MEGF11: variants seen among roughly 807,000 people sequenced by gnomAD.
MEGF11 encodes the protein multiple EGF like domains 11.
A neutral mutation model predicts 146.6 loss-of-function variants in MEGF11; 126 were observed. That is an observed-to-expected ratio of 0.86 (90% CI 0.74 to 1.00). MEGF11 has a LOEUF of 1.00. Among genes scored for constraint, MEGF11 ranks in the 50% least tolerant of loss-of-function variants. The pLI is 0.00. For missense variants in MEGF11, 1,509 were observed against 1,521.2 expected, an observed-to-expected ratio of 0.99 and a Z score of 0.13; for synonymous variants, 532 against 583.4, an observed-to-expected ratio of 0.91 and a Z score of 1.27.
At position 65,987,135 on chromosome 15, in the gene MEGF11, G is replaced by A. The variant is rs184890731; in HGVS notation, c.395-4647C>T. On this transcript the variant is annotated intron_variant, in intron 5 of 25. Coordinates refer to ENST00000395614, the MANE Select transcript of MEGF11 (RefSeq NM_001385028.1). ...CAAGAGGGCAAATGGCTTCACCACC[G>A]TCTTCTTCACCGACAGGCTTTTAAA... is the stretch of plus-strand genomic sequence containing the variant. 2.0e-3 allele frequency among the ~76,000 whole-genome samples: 311 copies of A among 152,282 alleles called. 3 individuals are homozygous for A. The highest frequency in any genetic ancestry group is 1.0e-3 in the South Asian group (5 of 4,828).
intron 1 of MEGF11, among the ~76,000 whole-genome samples, chr15:66,141,234 GTGT>G (rs1203431721): frequency 1.7e-5 from 1 of 58,466 alleles, no homozygotes; most frequent in African/African-American, 9.6e-5. Flanking sequence ...AGACTCAGGG[GTGT>G]GTGTGTGTGT....
intron 5 of MEGF11, among the ~76,000 whole-genome samples, chr15:66,073,127 C>A (rs1325366957): frequency 2.0e-5 from 3 of 152,256 alleles, no homozygotes; most frequent in Non-Finnish European, 4.4e-5. Context: ...AAGACAGACA[C>A]TTCCTGTGCA....
intron 1 of MEGF11, among the ~76,000 whole-genome samples, chr15:66,224,327 C>A (rs1228185980): frequency 6.6e-6 from 1 of 152,086 alleles, no homozygotes; most frequent in Non-Finnish European, 1.5e-5. Context: ...GTAATCCCAG[C>A]ACTTTGGGAG....
chr15:65,978,019 T>C (rs1380422027), intron 7 of MEGF11, among the ~76,000 whole-genome samples: 1 of 152,246 alleles, frequency 6.6e-6, no homozygotes, highest in African/African-American at 2.4e-5. Flanking sequence ...GCTAGCGGAA[T>C]ATCCTGTGGG....
intron 1 of MEGF11, among the ~76,000 whole-genome samples, chr15:66,221,891 C>T (rs551266535): frequency 2.4e-5 from 3 of 126,526 alleles, no homozygotes; most frequent in African/African-American, 9.3e-5. Flanking sequence ...TAAAAGCTGC[C>T]CCTGCTAACA....
At chr15:65,996,140 T>C (rs1246409202) in intron 5 of MEGF11, among the ~76,000 whole-genome samples, 1 of 152,130 alleles carries the variant, frequency 6.6e-6, no homozygotes, top group Non-Finnish European at 1.5e-5. Flanking sequence ...CATCCCCTCT[T>C]TGGCGTTTAG....
intron 1 of MEGF11, among the ~76,000 whole-genome samples, chr15:66,251,733 A>G (rs2092373483): frequency 1.3e-5 from 2 of 152,230 alleles, no homozygotes; most frequent in South Asian, 4.1e-4. Flanking sequence ...GACTTGGTTT[A>G]TCTACTCTTC....
At chr15:66,147,009 G>A (rs1014799750) in intron 1 of MEGF11, among the ~76,000 whole-genome samples, 2 of 152,164 alleles carry the variant, frequency 1.3e-5, no homozygotes, top group Non-Finnish European at 2.9e-5. Context: ...GCATAATGTG[G>A]ACACCATTCC....
intron 5 of MEGF11, among the ~76,000 whole-genome samples, chr15:66,069,008 G>T (rs1275105125): frequency 6.6e-6 from 1 of 152,196 alleles, no homozygotes; most frequent in Non-Finnish European, 1.5e-5. Context: ...TGGTCACTGG[G>T]TGCTCCTGGG....
intron 1 of MEGF11, among the ~76,000 whole-genome samples, chr15:66,216,837 T>C (rs1451005911): frequency 6.6e-6 from 1 of 152,228 alleles, no homozygotes; most frequent in Non-Finnish European, 1.5e-5. Context: ...AGTCACTCTC[T>C]AGAATTATCC....
At chr15:66,138,364 T>C (rs2088990289) in intron 1 of MEGF11, among the ~76,000 whole-genome samples, 1 of 152,264 alleles carries the variant, frequency 6.6e-6, no homozygotes, top group African/African-American at 2.4e-5. Flanking sequence ...ATACTCATGC[T>C]ATGATGAAAA....
rs142573509 is a variant in MEGF11, at chr15:66,035,304, G to A, written c.395-52816C>T. ...GACTACTACTACTGCTGCTGCTGCC[G>A]CTGGTGCTGCCACTCTAATGGTCCT... On this transcript the variant is annotated intron_variant, in intron 5 of 25. Transcript: ENST00000395614. Among the ~76,000 whole-genome samples, 976 of 151,242 alleles carry A rather than the reference G, an allele frequency of 6.5e-3. 14 individuals are homozygous for A. The highest frequency in any genetic ancestry group is 0.023 in the African/African-American group (936 of 40,642).
At chr15:66,128,659 G>A (rs1294276375) in intron 1 of MEGF11, among the ~76,000 whole-genome samples, 12 of 152,150 alleles carry the variant, frequency 7.9e-5, no homozygotes, top group Admixed American at 7.9e-4. Context: ...TCCAGTGAAA[G>A]GTATAGATGT....
chr15:65,898,081 A>T lies in MEGF11; in HGVS notation c.3276T>A (p.Ser1092Arg), dbSNP rs758715405. ...TATGACCGCAACCTTCTTGGACCAC[A>T]CTGACTGTGGGCTCTAAGAAATATA... The part of the protein sequence containing the change: ...KNIYEVEPTV[S>R]VVQEGCGHNS... Residue 1092 changes from serine (S) to arginine (R), a missense_variant, in exon 26 of 26, where the codon AGT (serine) becomes AGA (arginine). Physicochemically the swap from Ser to Arg is moderately radical, Grantham distance 110 (BLOSUM62 -1). Coordinates refer to ENST00000395614, the MANE Select transcript of MEGF11 (RefSeq NM_001385028.1). 3.7e-6 allele frequency: 6 copies of T among 1,613,592 alleles called. No homozygotes were observed. In the East Asian group the frequency reaches 8.9e-5, roughly 24 times the overall value.
chr15:66,155,109 C>T (rs1213172148), intron 1 of MEGF11, among the ~76,000 whole-genome samples: 1 of 152,232 alleles, frequency 6.6e-6, no homozygotes, highest in Non-Finnish European at 1.5e-5. Flanking sequence ...TGCTCAAGGT[C>T]ACTGTGTGAT....
intron 1 of MEGF11, among the ~76,000 whole-genome samples, chr15:66,180,390 C>T (rs2090514055): frequency 6.6e-6 from 1 of 152,168 alleles, no homozygotes; most frequent in Admixed American, 6.5e-5. Context: ...CTCAGGGAAC[C>T]TCAATGCCAC....
Position 66,128,378 on chromosome 15 carries a change from A to G in MEGF11, c.26T>C (p.Ile9Thr), listed in dbSNP as rs1297596444. Reference sequence around the variant, plus strand: ...GGTGGCTTGCAGGAAGGAGAAGGCAATGAGCCCCGTCAGGGAGAGCACCAT... The same window carrying G: ...GGTGGCTTGCAGGAAGGAGAAGGCAGTGAGCCCCGTCAGGGAGAGCACCAT... Reference protein sequence around the residue: MVLSLTGLIAFSFLQATLA... With the variant: MVLSLTGLTAFSFLQATLA... Residue 9 changes from isoleucine (I) to threonine (T), a missense_variant, in exon 2 of 26, where the codon ATT (isoleucine) becomes ACT (threonine). Ile to Thr is a moderately conservative substitution (Grantham distance 89). Transcript: ENST00000395614. The G allele has an allele frequency of 2.6e-6, 4 of 1,521,754 alleles. No individual in the cohort carries two copies. The highest frequency in any genetic ancestry group is 2.1e-5 in the Admixed American group (1 of 47,084). 94.3% of individuals were successfully genotyped at this position (1,521,754 alleles called of 1,614,324 possible).
intron 5 of MEGF11, among the ~76,000 whole-genome samples, chr15:66,012,349 C>G (rs2140119863): frequency 6.6e-6 from 1 of 152,334 alleles, no homozygotes; most frequent in East Asian, 1.9e-4. Context: ...GCCCAGGGCT[C>G]TCCGCTCCCT....
rs180950710 is a variant in MEGF11 at position 65,919,387 on chromosome 15, G to A, written c.1958-1293C>T. 1.4e-4 allele frequency among the ~76,000 whole-genome samples: 22 copies of A among 152,338 alleles called. No homozygotes were observed. The East Asian group carries it at 2.7e-3, about 19-fold the overall frequency. On this transcript the variant is annotated intron_variant, in intron 15 of 25. Transcript: ENST00000395614. ...TGGGTTTGGTTCCAGACCACTGCAA[G>A]TGAATATTGCAATAAAGCAAGTCAC...
Sources: allele counts gnomAD v4.1 joint callset (sites outside exome capture counted in the v4.1 genomes callset), GRCh38; gene constraint gnomAD v4.1.1; transcripts MANE v1.5; gene names NCBI Gene and HGNC (gene_info 2026-07-23, HGNC 2026-07-21).